MOCOS: variants seen among roughly 807,000 people sequenced by gnomAD.
The protein encoded by MOCOS is molybdenum cofactor sulfurase, also known as human molybdenum cofactor sulfurase.
Under a neutral mutation model 83.6 loss-of-function variants are expected in MOCOS, and 86 were observed. The observed-to-expected ratio is 1.03, with a 90% CI of 0.86 to 1.23. MOCOS has a LOEUF of 1.23. Ranked by LOEUF, MOCOS falls within the 50% of genes most tolerant of loss-of-function variation. The pLI is 0.00. For synonymous variants in MOCOS, 445 were observed against 434.7 expected (o/e 1.02, Z -0.29); for missense variants, 1,120 against 1,126.9 (o/e 0.99, Z 0.09).
At chr18:36,268,470 A>G in intron 14 of MOCOS, 63 bp from the exon 15 acceptor site, 1 of 1,604,902 alleles carries the variant, frequency 6.2e-7, no homozygotes. Flanking sequence ...TAATATTTAC[A>G]AAGTTATTTT....
intron 9 of MOCOS, among the ~76,000 whole-genome samples, chr18:36,247,675 C>T (rs1329368330): frequency 6.6e-6 from 1 of 152,176 alleles, no homozygotes; most frequent in Non-Finnish European, 1.5e-5. Context: ...TCTGGATTTT[C>T]AGGTTCCCCA....
chr18:36,195,492 C>A lies in MOCOS; in HGVS notation c.232+146C>A, dbSNP rs17649254. 58,131 of 731,680 alleles carry A rather than the reference C, an allele frequency of 0.079. 2,802 individuals carry two copies. The highest frequency in any genetic ancestry group is 0.11 in the Middle Eastern group (304 of 2,846). 45.3% of individuals were successfully genotyped at this position (731,680 alleles called of 1,614,324 possible). On this transcript the variant is annotated intron_variant, in intron 2 of 14. Coordinates refer to ENST00000261326, the MANE Select transcript of MOCOS (RefSeq NM_017947.4). ...ATGTAAGATAGGGGCCAGGCAAGCA[C>A]CCTGGGTCATTCTGTACTGTAAACA...
chr18:36,201,094 G>T (rs72890609), intron 4 of MOCOS, among the ~76,000 whole-genome samples: 3,601 of 152,298 alleles, frequency 0.024, 81 homozygotes, highest in Non-Finnish European at 0.036. Flanking sequence ...GGTTCTGCTG[G>T]GTCAACAGTG....
intron 5 of MOCOS, among the ~76,000 whole-genome samples, chr18:36,204,282 A>G (rs2091426134): frequency 6.6e-6 from 1 of 151,714 alleles, no homozygotes; most frequent in Non-Finnish European, 1.5e-5. Flanking sequence ...TTCTCTGTGG[A>G]TTTGCCTATT....
At chr18:36,219,722 A>G (rs2091488826) in intron 8 of MOCOS, among the ~76,000 whole-genome samples, 1 of 152,170 alleles carries the variant, frequency 6.6e-6, no homozygotes, top group Non-Finnish European at 1.5e-5. Context: ...CAGCAAAAAA[A>G]GAGCAATGGC....
At chr18:36,205,652 C>G (rs2091432081) in intron 6 of MOCOS, among the ~76,000 whole-genome samples, 1 of 152,180 alleles carries the variant, frequency 6.6e-6, no homozygotes, top group African/African-American at 2.4e-5. Context: ...AAATGTTACT[C>G]CCAGAGCAGC....
Position 36,266,799 on chromosome 18 carries a change from T to A in MOCOS, c.2460T>A (p.Thr820=). The change falls in exon 14 of 15, where the codon ACT becomes ACA. Residue 820 remains threonine (T), a synonymous_variant. Transcript: ENST00000261326. ...RCQMICIDQQ[T]GQRNQHVFQK... Reference sequence around the variant, plus strand: ...AGATGATTTGCATCGACCAGCAAACTGGGCAACGAAACCAGCATGTTTTCC... The same window carrying A: ...AGATGATTTGCATCGACCAGCAAACAGGGCAACGAAACCAGCATGTTTTCC... The A allele has an allele frequency of 6.2e-7, 1 of 1,614,088 alleles. No homozygotes were observed. Among genetic ancestry groups the A allele is most frequent in the Non-Finnish European group, 8.5e-7 (1 of 1,180,034 alleles).
chr18:36,220,651 G>C (rs2091492824), intron 9 of MOCOS, among the ~76,000 whole-genome samples: 1 of 152,204 alleles, frequency 6.6e-6, no homozygotes, highest in African/African-American at 2.4e-5. Flanking sequence ...AGAGGGGCCA[G>C]GTGCGGTGGC....
chr18:36,220,339 C>CA, intron 9 of MOCOS, 122 bp downstream of exon 9: 1 of 1,050,450 alleles, frequency 9.5e-7, no homozygotes, highest in African/African-American at 1.7e-5. Flanking sequence ...GACCTCATCT[C>CA]TACAAAAAAA....
At chr18:36,194,216 T>C (rs1049550233) in intron 1 of MOCOS, among the ~76,000 whole-genome samples, 1 of 152,240 alleles carries the variant, frequency 6.6e-6, no homozygotes, top group Non-Finnish European at 1.5e-5. Context: ...TTGGTATTTA[T>C]GTAATTTTAT....
chr18:36,203,807 C>T (rs561012411), intron 5 of MOCOS, among the ~76,000 whole-genome samples: 13 of 152,310 alleles, frequency 8.5e-5, no homozygotes, highest in African/African-American at 2.2e-4. Context: ...ACAGGATTCA[C>T]GGGAAGAGAG....
chr18:36,247,415 G>A (rs1328987062), intron 9 of MOCOS, among the ~76,000 whole-genome samples: 4 of 152,172 alleles, frequency 2.6e-5, no homozygotes, highest in African/African-American at 7.2e-5. Flanking sequence ...GAAAGTTTGT[G>A]CTCAGTTAAA....
chr18:36,268,505 T>TTTG (rs750060426), intron 14 of MOCOS, 28 bp from the exon 15 acceptor site: 2 of 1,614,012 alleles, frequency 1.2e-6, no homozygotes, highest in Non-Finnish European at 8.5e-7. Context: ...TCTAGCCTTT[T>TTTG]TTGTTGTTGT....
chr18:36,251,819 G>A (rs1190881928), intron 11 of MOCOS, among the ~76,000 whole-genome samples: 1 of 152,154 alleles, frequency 6.6e-6, no homozygotes, highest in Admixed American at 6.5e-5. Context: ...AAAGTTAACA[G>A]TCCCAGGTGT....
rs202214275 is a variant in MOCOS, at chr18:36,261,206, C to CT, written c.2409+1033dup. On this transcript the variant is annotated intron_variant, in intron 13 of 14. Transcript: ENST00000261326. ...ATTTTTATAATACAGGCTGAACATCCTTAATCCAAAAATCTGAAATCTGAA... is the reference window on the plus strand; with the variant it reads ...ATTTTTATAATACAGGCTGAACATCCTTTAATCCAAAAATCTGAAATCTGAA... Among the ~76,000 whole-genome samples the CT allele has an allele frequency of 2.8e-3, 426 of 152,152 alleles. 4 individuals are homozygous for CT. The highest frequency in any genetic ancestry group is 9.9e-3 in the African/African-American group (410 of 41,504).
At chr18:36,193,556 C>T (rs996707663) in intron 1 of MOCOS, among the ~76,000 whole-genome samples, 2 of 152,046 alleles carry the variant, frequency 1.3e-5, no homozygotes, top group Non-Finnish European at 1.5e-5. Context: ...CGAACTTGGA[C>T]CCCTACCTCA....
At chr18:36,210,697 A>G (rs2091451512) in intron 6 of MOCOS, among the ~76,000 whole-genome samples, 2 of 151,576 alleles carry the variant, frequency 1.3e-5, no homozygotes, top group Admixed American at 6.6e-5. Context: ...CTAAAAATAC[A>G]AAAATTAGCT....
chr18:36,208,495 C>T (rs2091442556), intron 6 of MOCOS, among the ~76,000 whole-genome samples: 2 of 152,076 alleles, frequency 1.3e-5, no homozygotes, highest in Admixed American at 6.6e-5. Context: ...CTGTAATTCT[C>T]ATTGTAGATA....
At chr18:36,199,653 C>G in intron 3 of MOCOS, 30 bp from the exon 4 acceptor site, 1 of 1,612,138 alleles carries the variant, frequency 6.2e-7, no homozygotes, top group Non-Finnish European at 8.5e-7. Context: ...CTGAGATCCG[C>G]GGGTTGCGGG....
Sources: allele counts gnomAD v4.1 joint callset (sites outside exome capture counted in the v4.1 genomes callset), GRCh38; gene constraint gnomAD v4.1.1; transcripts MANE v1.5; gene names NCBI Gene and HGNC (gene_info 2026-07-23, HGNC 2026-07-21).